The following KLHL7 variants were observed in gnomAD, a reference collection of about 807,000 sequenced individuals.
KLHL7 encodes kelch-like protein 7.
A neutral mutation model predicts 67.4 loss-of-function variants in KLHL7; 44 were observed. The ratio of observed to expected loss-of-function variants is 0.65; its 90% confidence interval spans 0.51 to 0.84. The LOEUF (loss-of-function observed/expected upper bound fraction) is 0.84, where lower values mean the gene tolerates loss of function less well. Among genes scored for constraint, KLHL7 ranks in the 40% least tolerant of loss-of-function variants. The pLI, the probability that KLHL7 is intolerant of heterozygous loss-of-function variation, is 0.00. For missense variants in KLHL7, 362 were observed against 718.1 expected, an observed-to-expected ratio of 0.50 and a Z score of 5.67; for synonymous variants, 252 against 243.3, an observed-to-expected ratio of 1.04 and a Z score of -0.33.
intron 5 of KLHL7, among the ~76,000 whole-genome samples, chr7:23,141,715 C>G (rs11975594): frequency 0.027 from 4,043 of 152,130 alleles, 185 homozygotes; most frequent in African/African-American, 0.092. Context: ...CTCCTTCTCC[C>G]GAGTTCACGC....
chr7:23,112,272 G>A (rs1202186248), intron 1 of KLHL7, among the ~76,000 whole-genome samples: 1 of 152,120 alleles, frequency 6.6e-6, no homozygotes, highest in Non-Finnish European at 1.5e-5. Flanking sequence ...AGGAGGTATT[G>A]GAAAAGGATC....
In KLHL7 at chr7:23,154,988, CA is replaced by C. The variant is rs112444208; in HGVS notation, c.936+2782del. On this transcript the variant is annotated intron_variant, in intron 7 of 10. Transcript: ENST00000339077. ...AACACTTAACACCATACCCATAGAG[CA>C]AATATGCCACCAGATAGCAAAAACA... Among the ~76,000 whole-genome samples, 600 of 152,234 alleles carry C rather than the reference CA, an allele frequency of 3.9e-3. 7 individuals carry two copies. The highest frequency in any genetic ancestry group is 0.014 in the African/African-American group (566 of 41,560).
intron 1 of KLHL7, 66 bp downstream of exon 1, chr7:23,106,212 C>A (rs921732383): frequency 2.5e-6 from 4 of 1,579,130 alleles, no homozygotes; most frequent in African/African-American, 1.3e-5. Context: ...CCCTGGTTCC[C>A]GGGGTGGAAC....
At chr7:23,124,000 T>A in intron 2 of KLHL7, 121 bp downstream of exon 2, 1 of 727,520 alleles carries the variant, frequency 1.4e-6, no homozygotes, top group Admixed American at 2.3e-5. Flanking sequence ...CACAGAACAG[T>A]GAAGAGATTG....
rs1050754621 is a variant in KLHL7, at chr7:23,175,415, C to T, written c.*1117C>T. 2.5e-5 allele frequency: 11 copies of T among 435,112 alleles called. No homozygotes were observed. Among genetic ancestry groups the T allele is most frequent in the African/African-American group, 1.8e-4 (9 of 49,004 alleles). 27.0% of individuals were successfully genotyped at this position (435,112 alleles called of 1,614,324 possible). A position where few individuals can be genotyped will look rare whatever the true frequency, so the allele number is the denominator to read the frequency against. On this transcript the variant is annotated 3_prime_UTR_variant, in exon 11 of 11. Transcript: ENST00000339077. ...TCTGATAATATTAAATATTTTTTAA[C>T]TTAAAATAGGCCACTCAGTTTGTTC...
chr7:23,157,267 A>G (rs759569321), intron 7 of KLHL7, among the ~76,000 whole-genome samples: 2 of 152,260 alleles, frequency 1.3e-5, no homozygotes, highest in Non-Finnish European at 2.9e-5. Context: ...CACTGCTACA[A>G]TGATCAGAAG....
At chr7:23,145,050 A>G (rs1784313448) in intron 6 of KLHL7, among the ~76,000 whole-genome samples, 1 of 152,114 alleles carries the variant, frequency 6.6e-6, no homozygotes, top group African/African-American at 2.4e-5. Flanking sequence ...GTGAGCTCTG[A>G]TCCTGCCACT....
chr7:23,106,068 C>T lies in KLHL7; in HGVS notation c.42C>T (p.Thr14=). 1 of 1,609,442 alleles carries T rather than the reference C, an allele frequency of 6.2e-7. No homozygotes were observed. Among genetic ancestry groups the T allele is most frequent in the Non-Finnish European group, 8.5e-7 (1 of 1,178,284 alleles). Residue 14 remains threonine (T), a synonymous_variant, in exon 1 of 11, where the codon ACC becomes ACT. Transcript: ENST00000339077. ...SGVEKSSKKK[T]EKKLAAREEA... ...TGGAGAAGAGCAGCAAGAAGAAGAC[C>T]GAGAAGAAACTTGCTGCTCGGGAAG...
At chr7:23,106,650 C>G (rs1782653648) in intron 1 of KLHL7, 2 of 1,021,440 alleles carry the variant, frequency 2.0e-6, no homozygotes, top group Non-Finnish European at 2.4e-6. Context: ...TCCTCCTGTT[C>G]GTGCTAATTT....
In KLHL7 at chr7:23,151,049, A is replaced by G. The variant is rs188250447; in HGVS notation, c.794-1018A>G. Among the ~76,000 whole-genome samples, 587 of 151,412 alleles carry G rather than the reference A, an allele frequency of 3.9e-3. 8 individuals carry two copies. Among genetic ancestry groups the G allele is most frequent in the Non-Finnish European group, 3.1e-3 (210 of 67,872 alleles). ...TTTAATTCTGCCTTTTCTTTTTGCC[A>G]TGCACTATTTTAACTTAAACAAAAT... On this transcript the variant is annotated intron_variant, in intron 6 of 10. Coordinates refer to ENST00000339077, the MANE Select transcript of KLHL7 (RefSeq NM_001031710.3).
chr7:23,171,492 G>A (rs1024690380), intron 9 of KLHL7, among the ~76,000 whole-genome samples: 28 of 152,080 alleles, frequency 1.8e-4, no homozygotes, highest in African/African-American at 6.3e-4. Flanking sequence ...TCCCACTTCC[G>A]AGCTGTATGC....
intron 1 of KLHL7, 42 bp from the exon 2 acceptor site, chr7:23,123,735 T>TA: frequency 1.5e-6 from 2 of 1,348,674 alleles, no homozygotes; most frequent in East Asian, 4.6e-5. Flanking sequence ...CAAGCTAGGC[T>TA]AGTGAGCCTC....
At chr7:23,166,468 A>C (rs1193775597) in intron 8 of KLHL7, among the ~76,000 whole-genome samples, 1 of 152,180 alleles carries the variant, frequency 6.6e-6, no homozygotes, top group African/African-American at 2.4e-5. Flanking sequence ...GTTAGTGTCC[A>C]GTAGTGCTCT....
rs367934975 is a variant in KLHL7 at position 23,172,980 on chromosome 7, G to C, written c.1412G>C (p.Arg471Thr). The C allele has an allele frequency of 1.2e-6, 2 of 1,613,836 alleles. No individual in the cohort carries two copies. The highest frequency in any genetic ancestry group is 8.5e-7 in the Non-Finnish European group (1 of 1,179,826). The part of the protein sequence containing the change: ...WTELCPMIEA[R>T]KNHGLVFVKD... ...GAGCTGTGTCCAATGATTGAAGCCA[G>C]GAAGAATCATGGGCTGGTATTTGTA... Residue 471 changes from arginine to threonine, a missense_variant, in exon 10 of 11, where the codon AGG becomes ACG. Physicochemically the swap from Arg to Thr is moderately conservative, Grantham distance 71. Around this residue, in one of 5 missense-constraint regions of KLHL7, gnomAD observed 136 missense variants for 252.7 expected, o/e 0.54. Coordinates refer to ENST00000339077, the MANE Select transcript of KLHL7 (RefSeq NM_001031710.3).
intron 1 of KLHL7, among the ~76,000 whole-genome samples, chr7:23,107,994 C>T (rs1010109458): frequency 2.0e-5 from 3 of 152,156 alleles, no homozygotes; most frequent in African/African-American, 7.2e-5. Context: ...TTGGCAGAAA[C>T]AGTGGCTGGT....
intron 7 of KLHL7, among the ~76,000 whole-genome samples, chr7:23,154,560 T>C (rs1407689335): frequency 6.6e-6 from 1 of 152,194 alleles, no homozygotes; most frequent in Non-Finnish European, 1.5e-5. Context: ...CCTTTCCATT[T>C]TCTGGTCTCC....
At position 23,170,453 on chromosome 7, in the gene KLHL7, G is replaced by T. The variant is rs543510219; in HGVS notation, c.1379+2416G>T. Among the ~76,000 whole-genome samples, 5 of 152,198 alleles carry T rather than the reference G, an allele frequency of 3.3e-5. No individual in the cohort carries two copies. The East Asian group carries it at 9.6e-4, about 29-fold the overall frequency. The stretch of plus-strand genomic sequence containing the variant: ...AGTAGAATGATGGTTATCAGAGGTT[G>T]GTTAACAAGTACAGAAATACAGTTA... On this transcript the variant is annotated intron_variant, in intron 9 of 10. Transcript: ENST00000339077.
rs541321984 is a variant in KLHL7, at chr7:23,120,059, G to A, written c.121-3718G>A. On this transcript the variant is annotated intron_variant, in intron 1 of 10. Transcript: ENST00000339077. The stretch of plus-strand genomic sequence containing the variant: ...TTGAGTCTCACTCTCACCCAGGCTG[G>A]AGTGCCGTGGCACAATCTCGGCTCA... 6.6e-5 allele frequency among the ~76,000 whole-genome samples: 10 copies of A among 151,824 alleles called. No individual in the cohort carries two copies. In the South Asian group the frequency reaches 2.1e-3, roughly 32 times the overall value.
intron 4 of KLHL7, among the ~76,000 whole-genome samples, chr7:23,128,790 G>A (rs974423421): frequency 6.6e-6 from 1 of 152,086 alleles, no homozygotes; most frequent in African/African-American, 2.4e-5. Flanking sequence ...TCTGCTTTCT[G>A]CCCCTATAAA....
Sources: gnomAD v4.1 joint callset for allele counts (sites outside exome capture counted in the v4.1 genomes callset) on GRCh38, gnomAD v4.1.1 for gene constraint, gnomAD v4.1.1 regional missense constraint, MANE v1.5 for transcripts, NCBI Gene and HGNC (gene_info 2026-07-23, HGNC 2026-07-21) for gene names.